FANCB: variants seen among roughly 807,000 people sequenced by gnomAD.
FANCB encodes FA complementation group B, also known as Fanconi anemia group B protein.
Under a neutral mutation model 38.9 loss-of-function variants are expected in FANCB, and 5 were observed. The ratio of observed to expected loss-of-function variants is 0.13; its 90% CI spans 0.07 to 0.27. FANCB has a LOEUF of 0.27. FANCB is among the 10% of genes least tolerant of loss of function. The probability of loss-of-function intolerance (pLI) is 1.00; values close to 1 mark genes in which losing one functional copy is unlikely to be tolerated. For missense variants in FANCB, 573 were observed against 602.7 expected (o/e 0.95, Z 0.52); for synonymous variants, 236 against 215.4 (o/e 1.10, Z -0.84).
chrX:14,702,053 G>C, the FANCB span, among the ~76,000 whole-genome samples: 82 of 112,056 alleles, frequency 7.3e-4, 2 homozygotes, highest in Non-Finnish European at 2.6e-4. Flanking sequence ...CTTGACACAG[G>C]AGTAGAAATT....
the FANCB span, among the ~76,000 whole-genome samples, chrX:14,735,837 C>T: frequency 1.8e-5 from 2 of 111,678 alleles, no homozygotes; most frequent in South Asian, 3.7e-4. Context: ...CGCCCACAGC[C>T]GCCCCTTCTC....
chrX:14,786,751 C>T, the FANCB span, among the ~76,000 whole-genome samples: 1 of 110,788 alleles, frequency 9.0e-6, no homozygotes, highest in South Asian at 3.8e-4. Flanking sequence ...TCTATCAGGC[C>T]TCCATTAATG....
At chrX:14,837,651 T>G (rs2092344865) in intron 10 of FANCB, among the ~76,000 whole-genome samples, 2 of 112,498 alleles carry the variant, frequency 1.8e-5, no homozygotes, top group South Asian at 7.3e-4. Context: ...TATAGAATTG[T>G]GTATTATGTG....
the FANCB span, among the ~76,000 whole-genome samples, chrX:14,813,421 C>G: frequency 1.0e-3 from 112 of 111,399 alleles, no homozygotes; most frequent in Middle Eastern, 0.023. Context: ...AAAACCCCAT[C>G]GTCTCAGCCC....
the FANCB span, among the ~76,000 whole-genome samples, chrX:14,742,124 A>G: frequency 1.8e-5 from 2 of 111,743 alleles, no homozygotes; most frequent in Admixed American, 9.5e-5. Context: ...CTGAATATCA[A>G]TATCATACCT....
intron 9 of FANCB, 79 bp from the exon 10 acceptor site, chrX:14,844,060 A>G (rs2092364749): frequency 1.3e-6 from 1 of 797,729 alleles, no homozygotes; most frequent in Non-Finnish European, 1.8e-6. Flanking sequence ...TGCAGTAATC[A>G]ATTAATATTC....
chrX:14,762,258 T>C, the FANCB span, among the ~76,000 whole-genome samples: 3,153 of 111,235 alleles, frequency 0.028, 107 homozygotes, highest in African/African-American at 0.098. Flanking sequence ...ATCGCATCCA[T>C]GAGGGTGCTG....
chrX:14,860,595 A>C (rs1052423477), intron 3 of FANCB, among the ~76,000 whole-genome samples: 1 of 112,262 alleles, frequency 8.9e-6, no homozygotes, highest in Non-Finnish European at 1.9e-5. Context: ...AAAAAGATGA[A>C]ATTTTAATAT....
chrX:14,834,728 C>T, downstream of FANCB: 1 of 741,979 alleles, frequency 1.3e-6, no homozygotes, highest in South Asian at 2.1e-5. Context: ...CTTTTCCATT[C>T]TGATTTGACT....
the FANCB span, among the ~76,000 whole-genome samples, chrX:14,692,662 T>C: frequency 1.8e-5 from 2 of 111,767 alleles, no homozygotes; most frequent in South Asian, 7.5e-4. Flanking sequence ...TCTAGGTGAT[T>C]ATTATGATGA....
At chrX:14,842,607 C>CTCTTATAAATCACTTATAAA (rs2092358414), downstream of FANCB, among the ~76,000 whole-genome samples, 1 of 111,906 alleles carries the variant, frequency 8.9e-6, no homozygotes, top group African/African-American at 3.2e-5. Flanking sequence ...TGAAATGTAT[C>CTCTTATAAATCACTTATAAA]TCACTGGACC....
At chrX:14,840,425 A>G (rs758192587), downstream of FANCB, among the ~76,000 whole-genome samples, 1 of 111,563 alleles carries the variant, frequency 9.0e-6, no homozygotes, top group Non-Finnish European at 1.9e-5. Context: ...GACCAATAAC[A>G]GCTGCCAGGG....
the FANCB span, among the ~76,000 whole-genome samples, chrX:14,829,905 TG>T: frequency 8.9e-6 from 1 of 112,506 alleles, no homozygotes; most frequent in Admixed American, 9.4e-5. Context: ...ATTCATGGGT[TG>T]GCTAACTGTT....
chrX:14,719,596 C>T, the FANCB span, among the ~76,000 whole-genome samples: 1 of 111,630 alleles, frequency 9.0e-6, no homozygotes, highest in Non-Finnish European at 1.9e-5. Context: ...CTCTTATATA[C>T]TGTTGGTGGG....
At chrX:14,765,217 T>C in the FANCB span, among the ~76,000 whole-genome samples, 1 of 111,527 alleles carries the variant, frequency 9.0e-6, no homozygotes, top group African/African-American at 3.3e-5. Flanking sequence ...AGTCAAATCA[T>C]CTGACCTGCA....
At chrX:14,759,691 T>C in the FANCB span, among the ~76,000 whole-genome samples, 1 of 110,326 alleles carries the variant, frequency 9.1e-6, no homozygotes, top group African/African-American at 3.3e-5. Context: ...GCCAGCACTA[T>C]AAGAACTGCT....
At chrX:14,857,986 AGACTGAAATTTTG>A (rs755514145) in intron 4 of FANCB, 32 bp from the exon 5 acceptor site, 69 of 923,570 alleles carry the variant, frequency 7.5e-5, no homozygotes, top group Middle Eastern at 7.5e-4. Flanking sequence ...AAATACACTA[AGACTGAAATTTTG>A]CAACAATTGA....
chrX:14,872,222 T>A (rs1320357904), intron 1 of FANCB, among the ~76,000 whole-genome samples: 2 of 111,826 alleles, frequency 1.8e-5, no homozygotes, highest in African/African-American at 3.3e-5. Context: ...ATAAAAAATG[T>A]AAATATATTT....
At chrX:14,698,188 G>A in the FANCB span, among the ~76,000 whole-genome samples, 1 of 111,158 alleles carries the variant, frequency 9.0e-6, no homozygotes, top group Non-Finnish European at 1.9e-5. Context: ...TGGATTTTTT[G>A]TATTAATAAT....
Sources: gnomAD v4.1 joint callset for allele counts (sites outside exome capture counted in the v4.1 genomes callset) on GRCh38, gnomAD v4.1.1 for gene constraint, MANE v1.5 for transcripts, NCBI Gene and HGNC (gene_info 2026-07-23, HGNC 2026-07-21) for gene names.